Variants in FARP1 observed in about 807,000 individuals in gnomAD.
FARP1 encodes FERM, ARH/RhoGEF and pleckstrin domain protein 1.
A neutral mutation model predicts 128.8 loss-of-function variants in FARP1; 52 were observed. That is an observed-to-expected ratio of 0.40 (90% confidence interval 0.32 to 0.51). FARP1 has a LOEUF of 0.51. Ranked by LOEUF, FARP1 falls within the 20% of genes least tolerant of loss-of-function variation. The pLI is 0.45. For missense variants in FARP1, 1,333 were observed against 1,367.9 expected, an observed-to-expected ratio of 0.97 and a Z score of 0.40; for synonymous variants, 580 against 551.8, an observed-to-expected ratio of 1.05 and a Z score of -0.72.
At chr13:98,423,072 A>G (rs1891649847) in intron 16 of FARP1, among the ~76,000 whole-genome samples, 1 of 152,188 alleles carries the variant, frequency 6.6e-6, no homozygotes, top group African/African-American at 2.4e-5. Flanking sequence ...CCAGCACAGG[A>G]GAAAGATGTA....
intron 2 of FARP1, among the ~76,000 whole-genome samples, chr13:98,231,903 C>G (rs879584128): frequency 6.6e-6 from 1 of 152,138 alleles, no homozygotes; most frequent in Admixed American, 6.5e-5. Context: ...TCTTGGCTTA[C>G]TGCAACCTCT....
chr13:98,348,919 T>G (rs1888291037), intron 3 of FARP1, among the ~76,000 whole-genome samples: 3 of 152,162 alleles, frequency 2.0e-5, no homozygotes, highest in Admixed American at 2.0e-4. Context: ...ACGTGCCCAG[T>G]CCTTAACAAT....
chr13:98,217,345 G>A (rs1271024156), intron 2 of FARP1, among the ~76,000 whole-genome samples: 2 of 152,224 alleles, frequency 1.3e-5, no homozygotes, highest in African/African-American at 2.4e-5. Context: ...CGAAGGGTTA[G>A]AAGGAGTGGT....
At chr13:98,317,415 A>G (rs919273396) in intron 2 of FARP1, among the ~76,000 whole-genome samples, 15 of 152,148 alleles carry the variant, frequency 9.9e-5, no homozygotes, top group Non-Finnish European at 1.9e-4. Flanking sequence ...TGCCCACACA[A>G]CTAGCAAATG....
At chr13:98,228,653 G>C (rs185948490) in intron 2 of FARP1, among the ~76,000 whole-genome samples, 1 of 152,112 alleles carries the variant, frequency 6.6e-6, no homozygotes, top group African/African-American at 2.4e-5. Flanking sequence ...GGATTTCCCC[G>C]GTTGCCAGAG....
At chr13:98,224,750 G>C (rs1425855444) in intron 2 of FARP1, among the ~76,000 whole-genome samples, 1 of 151,942 alleles carries the variant, frequency 6.6e-6, no homozygotes, top group Admixed American at 6.6e-5. Context: ...GGCAGTGAGA[G>C]AAGAGCCAGG....
Position 98,395,349 on chromosome 13 carries a change from G to A in FARP1, c.1287G>A (p.Ala429=), listed in dbSNP as rs200801295. 1.9e-6 allele frequency: 3 copies of A among 1,611,610 alleles called. No homozygotes were observed. Among genetic ancestry groups the A allele is most frequent in the African/African-American group, 2.7e-5 (2 of 74,930 alleles). ...AGEPGSHPSP[A]PRRSPAGNKQ... ...AGCCGGGGTCGCACCCGAGCCCTGCGCCGAGGAGAAGCCCCGCGGGTAACA... is the reference window on the plus strand; with the variant it reads ...AGCCGGGGTCGCACCCGAGCCCTGCACCGAGGAGAAGCCCCGCGGGTAACA... Residue 429 remains alanine (A), a synonymous_variant, in exon 13 of 27, where the codon GCG becomes GCA. Coordinates refer to ENST00000319562, the MANE Select transcript of FARP1 (RefSeq NM_005766.4).
intron 1 of FARP1, among the ~76,000 whole-genome samples, chr13:98,207,956 ACACACACACACACT>A (rs1301604417): frequency 2.7e-5 from 4 of 147,928 alleles, no homozygotes; most frequent in Non-Finnish European, 6.0e-5. Context: ...ACACACACAC[ACACACACACACACT>A]TTGATTCATT....
At chr13:98,438,422 G>A (rs1433684714) in intron 19 of FARP1, among the ~76,000 whole-genome samples, 1 of 152,048 alleles carries the variant, frequency 6.6e-6, no homozygotes, top group East Asian at 1.9e-4. Flanking sequence ...GGGGATCCTG[G>A]GGTTACACAC....
At chr13:98,190,266 T>A (rs1312113619) in intron 1 of FARP1, among the ~76,000 whole-genome samples, 2 of 152,238 alleles carry the variant, frequency 1.3e-5, no homozygotes, top group African/African-American at 2.4e-5. Context: ...GGTGCAAACC[T>A]TTTACAACAA....
intron 12 of FARP1, 65 bp downstream of exon 12, chr13:98,393,783 G>C: frequency 8.1e-7 from 1 of 1,237,538 alleles, no homozygotes; most frequent in African/African-American, 1.5e-5. Flanking sequence ...GGAGCCCTGG[G>C]CTTCAGAGCG....
rs1893304796 is a variant in FARP1, at chr13:98,453,580, G to A, written c.*5263G>A. ...GATGCATATGCATTCCCGATGTGAG[G>A]GCAGGAAACCCATTTTGGCCATAAA... On this transcript the variant is annotated 3_prime_UTR_variant, in exon 27 of 27. Transcript: ENST00000319562. The A allele has an allele frequency of 5.7e-6, 1 of 176,688 alleles. No individual in the cohort carries two copies. The allele number at this position is 176,688 out of a possible 1,614,324, so 10.9% of individuals were successfully genotyped here.
At chr13:98,275,613 C>G (rs1435560157) in intron 2 of FARP1, among the ~76,000 whole-genome samples, 1 of 144,488 alleles carries the variant, frequency 6.9e-6, no homozygotes, top group Non-Finnish European at 1.5e-5. Flanking sequence ...CCCCCCACTT[C>G]TTTTCTCTTT....
chr13:98,213,865 A>G (rs1566749924), intron 2 of FARP1, among the ~76,000 whole-genome samples: 1 of 152,142 alleles, frequency 6.6e-6, no homozygotes, highest in Non-Finnish European at 1.5e-5. Context: ...TGGCAAGAAC[A>G]GTCCCGAGAG....
chr13:98,234,607 C>T (rs1306253487), intron 2 of FARP1: 3 of 152,084 alleles, frequency 2.0e-5, no homozygotes, highest in Non-Finnish European at 4.4e-5. Flanking sequence ...ATATTGTGGA[C>T]AATTCACAAG....
At chr13:98,318,532 C>T (rs1480225059) in intron 2 of FARP1, among the ~76,000 whole-genome samples, 1 of 152,260 alleles carries the variant, frequency 6.6e-6, no homozygotes, top group Non-Finnish European at 1.5e-5. Context: ...AAGCTGCCAT[C>T]TCACTTAATC....
chr13:98,349,691 A>T (rs1353896391), intron 3 of FARP1, among the ~76,000 whole-genome samples: 1 of 132,564 alleles, frequency 7.5e-6, no homozygotes, highest in African/African-American at 2.7e-5. Context: ...AAAAAAAAAA[A>T]AAAAAAAAAA....
Position 98,176,742 on chromosome 13 carries a change from G to T in FARP1, c.-24+33250G>T. The T allele has an allele frequency of 1.9e-6, 3 of 1,614,048 alleles. No homozygotes were observed. Among genetic ancestry groups the T allele is most frequent in the Non-Finnish European group, 8.5e-7 (1 of 1,179,986 alleles). On this transcript the variant is annotated intron_variant, in intron 1 of 26. Transcript: ENST00000319562. This position sits in a 1 kb window ranked among gnomAD's most constrained non-coding sequence, Gnocchi z 6.2. ...TCCTCGCCATCCCCGAGGAGGAGTT[G>T]CCCATGGACGTGTCCTTGGGCTTCA...
intron 1 of FARP1, among the ~76,000 whole-genome samples, chr13:98,184,150 T>C (rs760548359): frequency 6.6e-6 from 1 of 152,078 alleles, no homozygotes; most frequent in Non-Finnish European, 1.5e-5. Flanking sequence ...GAGTTTTCAC[T>C]CTTGTTGCCC....
Sources: allele counts gnomAD v4.1 joint callset (sites outside exome capture counted in the v4.1 genomes callset), GRCh38; gene constraint gnomAD v4.1.1; non-coding constraint Gnocchi (gnomAD v3.1); transcripts MANE v1.5; gene names NCBI Gene and HGNC (gene_info 2026-07-23, HGNC 2026-07-21).